The following ADAMTSL1 variants were observed in gnomAD, a reference collection of about 807,000 sequenced individuals.
The protein encoded by ADAMTSL1 is ADAMTS like 1.
In ADAMTSL1, 126 loss-of-function variants were observed where a neutral mutation model predicts 201.8. That is an observed-to-expected ratio of 0.62 (90% confidence interval 0.54 to 0.72). The LOEUF is 0.72. ADAMTSL1 is among the 30% of genes least tolerant of loss of function. The probability of loss-of-function intolerance (pLI) is 0.00; values close to 1 mark genes in which losing one functional copy is unlikely to be tolerated. For missense variants in ADAMTSL1, 2,679 were observed against 2,277.8 expected (o/e 1.18, Z -3.59); for synonymous variants, 1,121 against 903.4 (o/e 1.24, Z -4.32).
intron 2 of ADAMTSL1, among the ~76,000 whole-genome samples, chr9:18,239,306 C>G (rs914899132): frequency 6.6e-6 from 1 of 152,206 alleles, no homozygotes; most frequent in Non-Finnish European, 1.5e-5. Context: ...CAAAACAGAA[C>G]TTCTTTCAAA....
intron 7 of ADAMTSL1, among the ~76,000 whole-genome samples, chr9:18,644,336 G>C (rs759614673): frequency 1.1e-4 from 16 of 151,752 alleles, no homozygotes; most frequent in Non-Finnish European, 2.1e-4. Context: ...GCAGGAATCA[G>C]AATGGCCACT....
rs552239347 is a variant in ADAMTSL1 at position 18,178,072 on chromosome 9, C to T, written c.207+14091C>T. Among the ~76,000 whole-genome samples, 14 of 152,292 alleles carry T rather than the reference C, an allele frequency of 9.2e-5. No homozygotes were observed. The East Asian group carries it at 1.2e-3, about 13-fold the overall frequency. ...TCCAGTCTACAGCTCCCAGCATGAG[C>T]GACGCAGAAGAAGGGTGATTTCTGC... On this transcript the variant is annotated intron_variant, in intron 2 of 29. Transcript: ENST00000680146.
At chr9:18,522,904 T>G (rs911068276) in intron 2 of ADAMTSL1, among the ~76,000 whole-genome samples, 5 of 152,164 alleles carry the variant, frequency 3.3e-5, no homozygotes, top group Admixed American at 3.3e-4. Flanking sequence ...TAAACATATG[T>G]GTGCATGTGT....
intron 14 of ADAMTSL1, among the ~76,000 whole-genome samples, chr9:18,720,543 A>G (rs484122): frequency 0.86 from 131,030 of 152,200 alleles, 56,838 homozygotes; most frequent in Admixed American, 0.92. Flanking sequence ...CAGCACTTTT[A>G]GAAGCCGAGG....
At chr9:18,577,013 C>T (rs112459151) in intron 4 of ADAMTSL1, among the ~76,000 whole-genome samples, 22 of 152,148 alleles carry the variant, frequency 1.4e-4, no homozygotes, top group African/African-American at 5.3e-4. Flanking sequence ...TGGTAATGGT[C>T]CCCAGATTTG....
At chr9:18,269,450 A>G (rs993165917) in intron 2 of ADAMTSL1, among the ~76,000 whole-genome samples, 1 of 152,156 alleles carries the variant, frequency 6.6e-6, no homozygotes, top group Non-Finnish European at 1.5e-5. Flanking sequence ...AAGATATATA[A>G]CACATCAAAT....
At chr9:18,248,299 G>T (rs1202183496) in intron 2 of ADAMTSL1, among the ~76,000 whole-genome samples, 1 of 152,064 alleles carries the variant, frequency 6.6e-6, no homozygotes, top group Non-Finnish European at 1.5e-5. Flanking sequence ...TCTGAAAACG[G>T]CATCAGACAG....
At chr9:18,414,375 AT>A (rs1818581316) in intron 2 of ADAMTSL1, among the ~76,000 whole-genome samples, 1 of 152,158 alleles carries the variant, frequency 6.6e-6, no homozygotes, top group South Asian at 2.1e-4. Context: ...ATCTTTATGT[AT>A]TTTTTTCAAC....
intron 1 of ADAMTSL1, among the ~76,000 whole-genome samples, chr9:18,061,314 C>G (rs908689771): frequency 1.3e-5 from 2 of 152,174 alleles, no homozygotes; most frequent in East Asian, 3.8e-4. Flanking sequence ...TTTTCTTTCA[C>G]ATAGTTTTCC....
chr9:18,012,958 TG>T (rs1586894502), intron 1 of ADAMTSL1, among the ~76,000 whole-genome samples: 2 of 152,012 alleles, frequency 1.3e-5, no homozygotes, highest in East Asian at 2.0e-4. Context: ...CTCTTTATTT[TG>T]GGCCTCCTTC....
At chr9:18,184,960 G>T (rs1401175225) in intron 2 of ADAMTSL1, among the ~76,000 whole-genome samples, 1 of 152,146 alleles carries the variant, frequency 6.6e-6, no homozygotes, top group African/African-American at 2.4e-5. Flanking sequence ...TACTAAGCAG[G>T]TTGATTAATT....
intron 13 of ADAMTSL1, chr9:18,706,504 G>T: frequency 6.6e-6 from 3 of 456,170 alleles, no homozygotes; most frequent in Non-Finnish European, 1.2e-5. Flanking sequence ...CAAGCAGGTG[G>T]TCTCTGGAAT....
chr9:18,099,349 ATATATATTT>A (rs1199228915), intron 1 of ADAMTSL1, among the ~76,000 whole-genome samples: 7 of 49,294 alleles, frequency 1.4e-4, no homozygotes, highest in South Asian at 7.1e-4. Flanking sequence ...ATATATATAT[ATATATATTT>A]TTTTTTTTTT....
At chr9:18,635,234 G>C (rs544219697) in intron 5 of ADAMTSL1, among the ~76,000 whole-genome samples, 14 of 152,142 alleles carry the variant, frequency 9.2e-5, no homozygotes, top group Admixed American at 3.3e-4. Context: ...TATTTGAGAT[G>C]CATGTAATAT....
intron 1 of ADAMTSL1, among the ~76,000 whole-genome samples, chr9:18,132,133 T>C (rs1825978169): frequency 6.6e-6 from 1 of 152,026 alleles, no homozygotes; most frequent in African/African-American, 2.4e-5. Flanking sequence ...GCAATCATTT[T>C]CCCCCACCAA....
chr9:18,199,491 T>C (rs879754903), intron 2 of ADAMTSL1, among the ~76,000 whole-genome samples: 2 of 152,076 alleles, frequency 1.3e-5, no homozygotes, highest in Non-Finnish European at 2.9e-5. Flanking sequence ...TATAGGGCAA[T>C]GAAAGAAAAA....
chr9:18,761,586 CA>C (rs1304133673), intron 16 of ADAMTSL1, among the ~76,000 whole-genome samples: 2 of 151,982 alleles, frequency 1.3e-5, no homozygotes, highest in African/African-American at 4.8e-5. Context: ...TAAAGGCAAA[CA>C]TTTTTTATTT....
chr9:18,283,020 T>C (rs1832852758), intron 2 of ADAMTSL1, among the ~76,000 whole-genome samples: 2 of 152,252 alleles, frequency 1.3e-5, no homozygotes, highest in African/African-American at 4.8e-5. Flanking sequence ...TTTGTCTACC[T>C]TTTCTAACAG....
At chr9:18,744,774 A>G (rs1819039210) in intron 15 of ADAMTSL1, among the ~76,000 whole-genome samples, 1 of 152,232 alleles carries the variant, frequency 6.6e-6, no homozygotes, top group South Asian at 2.1e-4. Flanking sequence ...TTAGAGCCCA[A>G]GGTCCTGTAT....
Sources: allele counts gnomAD v4.1 joint callset (sites outside exome capture counted in the v4.1 genomes callset), GRCh38; gene constraint gnomAD v4.1.1; transcripts MANE v1.5; gene names NCBI Gene and HGNC (gene_info 2026-07-23, HGNC 2026-07-21).